The following EML5 variants were observed in gnomAD, a reference collection of about 807,000 sequenced individuals.
EML5 encodes echinoderm microtubule-associated protein-like 5.
A neutral mutation model predicts 250.0 loss-of-function variants in EML5; 120 were observed. The observed-to-expected ratio is 0.48, with a 90% CI of 0.41 to 0.56. EML5 has a LOEUF of 0.56. Ranked by LOEUF, EML5 falls within the 20% of genes least tolerant of loss-of-function variation. The pLI is 0.00. For synonymous variants in EML5, 771 were observed against 806.5 expected (o/e 0.96, Z 0.75); for missense variants, 2,006 against 2,437.6 (o/e 0.82, Z 3.73).
intron 1 of EML5, among the ~76,000 whole-genome samples, chr14:88,785,932 G>A (rs1052512335): frequency 1.3e-5 from 2 of 152,080 alleles, no homozygotes; most frequent in Non-Finnish European, 2.9e-5. Context: ...ATTCTCAGAT[G>A]GGAAAGTGAA....
chr14:88,642,694 G>A (rs1186561387), intron 31 of EML5, among the ~76,000 whole-genome samples, 199 bp downstream of exon 31: 1 of 152,120 alleles, frequency 6.6e-6, no homozygotes, highest in East Asian at 1.9e-4. Flanking sequence ...CTTTTCTGCT[G>A]TATTATACTC....
At chr14:88,625,289 C>CCTTA (rs2089751197) in intron 35 of EML5, 162 bp from the exon 36 acceptor site, 3 of 737,332 alleles carry the variant, frequency 4.1e-6, no homozygotes, top group Non-Finnish European at 6.3e-6. Context: ...GAAACCTGAA[C>CCTTA]GGGAGGCTTA....
intron 1 of EML5, among the ~76,000 whole-genome samples, chr14:88,756,238 G>T (rs7154735): frequency 0.058 from 8,888 of 151,986 alleles, 695 homozygotes; most frequent in African/African-American, 0.17. Flanking sequence ...ATTAACAGAA[G>T]AAAGGTCAAA....
At position 88,677,119 on chromosome 14, in the gene EML5, G is replaced by T. The variant is rs1023395100; in HGVS notation, c.3124+4771C>A. 9.2e-5 allele frequency among the ~76,000 whole-genome samples: 14 copies of T among 152,038 alleles called. No individual in the cohort carries two copies. The South Asian group carries it at 1.5e-3, about 16-fold the overall frequency. On this transcript the variant is annotated intron_variant, in intron 21 of 43. Transcript: ENST00000554922. ...AGGGTCTCACCATATTGGCCAGACT[G>T]GTCTCGGACTCCTGAGCTCACACAA...
At chr14:88,631,695 G>A (rs1406533086) in intron 33 of EML5, among the ~76,000 whole-genome samples, 2 of 152,230 alleles carry the variant, frequency 1.3e-5, no homozygotes, top group South Asian at 2.1e-4. Context: ...GCTTGAACCC[G>A]GGAGGCAGAG....
At chr14:88,700,681 A>G (rs978745770) in intron 14 of EML5, among the ~76,000 whole-genome samples, 1 of 152,172 alleles carries the variant, frequency 6.6e-6, no homozygotes, top group Non-Finnish European at 1.5e-5. Context: ...CAGAGGTGGA[A>G]TGAGGCAAAT....
chr14:88,654,562 T>C (rs1055398582), intron 27 of EML5, among the ~76,000 whole-genome samples: 2 of 152,220 alleles, frequency 1.3e-5, no homozygotes, highest in Non-Finnish European at 2.9e-5. Flanking sequence ...AGGAGCAGGT[T>C]GTTCAGTTTC....
Position 88,657,434 on chromosome 14 carries a change from G to A in EML5, c.3946C>T (p.Arg1316Cys), listed in dbSNP as rs763841931. 138 of 1,601,756 alleles carry A rather than the reference G, an allele frequency of 8.6e-5. 1 individual carries two copies. The highest frequency in any genetic ancestry group is 1.1e-4 in the Non-Finnish European group (134 of 1,173,492). ...YTIRALSTNIRPMLGIKPHLQ... is the reference protein window; with the variant it reads ...YTIRALSTNICPMLGIKPHLQ... Reference sequence around the variant, plus strand: ...TGAGGCTTGATTCCTAACATTGGGCGAATATTTGTTGATAAGGCTCTGATG... The same window carrying A: ...TGAGGCTTGATTCCTAACATTGGGCAAATATTTGTTGATAAGGCTCTGATG... Residue 1316 changes from arginine (R) to cysteine (C), a missense_variant, in exon 27 of 44, where the codon CGC (arginine) becomes TGC (cysteine). Arg to Cys is a radical substitution (Grantham distance 180). This residue lies in a region of EML5 where 1,375 missense variants were observed against 1,590.3 expected (regional missense o/e 0.86). Coordinates refer to ENST00000554922, the MANE Select transcript of EML5 (RefSeq NM_183387.3).
At chr14:88,640,086 C>G (rs1180729121) in intron 31 of EML5, among the ~76,000 whole-genome samples, 2 of 152,020 alleles carry the variant, frequency 1.3e-5, no homozygotes, top group Non-Finnish European at 2.9e-5. Flanking sequence ...ACTAGGCCCC[C>G]CAAAAAGCAA....
chr14:88,792,433 C>T lies in EML5; in HGVS notation c.71G>A (p.Cys24Tyr). The T allele has an allele frequency of 6.5e-7, 1 of 1,546,262 alleles. No homozygotes were observed. The highest frequency in any genetic ancestry group is 8.7e-7 in the Non-Finnish European group (1 of 1,146,366). The change falls in exon 1 of 44, where the codon TGC (cysteine) becomes TAC (tyrosine). Residue 24 changes from cysteine to tyrosine, a missense_variant. By Grantham distance (194) the Cys-to-Tyr change is radical. This residue lies in a region of EML5 where 162 missense variants were observed against 212.2 expected (regional missense o/e 0.76). Coordinates refer to ENST00000554922, the MANE Select transcript of EML5 (RefSeq NM_183387.3). The surrounding 1 kb of genome is among the most constrained non-coding windows in gnomAD (Gnocchi z 6.9). Reference protein sequence around the residue: ...EWVYGYRGHQCRNNLYYTAAK... With the variant: ...EWVYGYRGHQYRNNLYYTAAK... ...CGCAGTGTAGTAGAGGTTGTTGCGG[C>T]ACTGGTGGCCCCGGTAGCCGTACAC...
At chr14:88,666,252 A>T (rs1026356340) in intron 21 of EML5, among the ~76,000 whole-genome samples, 4 of 152,146 alleles carry the variant, frequency 2.6e-5, no homozygotes, top group Non-Finnish European at 5.9e-5. Flanking sequence ...TTGAGATGGA[A>T]TTTCTCTCTT....
chr14:88,647,687 C>CAAAAAAAAAAAAAAAAAAAA (rs34191990), intron 28 of EML5, among the ~76,000 whole-genome samples: 20 of 48,754 alleles, frequency 4.1e-4, no homozygotes, highest in African/African-American at 1.5e-3. Flanking sequence ...GAGACCGTCT[C>CAAAAAAAAAAAAAAAAAAAA]AAAAAAAAAA....
At chr14:88,736,318 C>T in intron 7 of EML5, 46 bp downstream of exon 7, 2 of 1,600,032 alleles carry the variant, frequency 1.2e-6, no homozygotes, top group Non-Finnish European at 1.7e-6. Flanking sequence ...TTATGTTTAT[C>T]TAAGGATACA....
intron 2 of EML5, among the ~76,000 whole-genome samples, chr14:88,751,880 T>C (rs2094101549): frequency 6.6e-6 from 1 of 152,166 alleles, no homozygotes; most frequent in African/African-American, 2.4e-5. Context: ...TTGTGTCCAT[T>C]AACTGAATTG....
chr14:88,775,680 G>A (rs2094440305), intron 1 of EML5, among the ~76,000 whole-genome samples: 1 of 152,290 alleles, frequency 6.6e-6, no homozygotes, highest in East Asian at 1.9e-4. Context: ...CCAAGCCTGG[G>A]GGAACTCACA....
rs148890236 is a variant in EML5 at position 88,634,556 on chromosome 14, T to C, written c.4337-67A>G. The C allele has an allele frequency of 2.2e-5, 20 of 911,310 alleles. No individual in the cohort carries two copies. The East Asian group carries it at 5.2e-4, about 23-fold the overall frequency. 56.5% of individuals were successfully genotyped at this position (911,310 alleles called of 1,614,324 possible). A position where few individuals can be genotyped will look rare whatever the true frequency, so the allele number is the denominator to read the frequency against. On this transcript the variant is annotated intron_variant, in intron 32 of 43. Coordinates refer to ENST00000554922, the MANE Select transcript of EML5 (RefSeq NM_183387.3). The stretch of plus-strand genomic sequence containing the variant: ...AAAATCTGTAAAAACCCAAATATCA[T>C]ATTAATTATAATTTAAACTATTATA...
At chr14:88,676,807 A>G (rs1342510149) in intron 21 of EML5, among the ~76,000 whole-genome samples, 1 of 152,242 alleles carries the variant, frequency 6.6e-6, no homozygotes, top group Non-Finnish European at 1.5e-5. Flanking sequence ...AGGGAATAGA[A>G]TAGAGATCTC....
At chr14:88,651,133 T>C (rs2091601190) in intron 27 of EML5, among the ~76,000 whole-genome samples, 1 of 149,600 alleles carries the variant, frequency 6.7e-6, no homozygotes, top group Non-Finnish European at 1.5e-5. Context: ...ATCACATTGA[T>C]GACTTCTGCC....
chr14:88,728,993 T>C (rs1323152118), intron 7 of EML5, among the ~76,000 whole-genome samples: 1 of 152,172 alleles, frequency 6.6e-6, no homozygotes, highest in Middle Eastern at 3.2e-3. Context: ...GGAAAAATGA[T>C]TTTTGTATAT....
Sources: gnomAD v4.1 joint callset for allele counts (sites outside exome capture counted in the v4.1 genomes callset) on GRCh38, gnomAD v4.1.1 for gene constraint, gnomAD v4.1.1 regional missense constraint, Gnocchi (gnomAD v3.1) non-coding constraint, MANE v1.5 for transcripts, NCBI Gene and HGNC (gene_info 2026-07-23, HGNC 2026-07-21) for gene names.